Variants in XRN1 observed in about 807,000 individuals in gnomAD.
XRN1 encodes strand-exchange protein 1 homolog.
XRN1 carries 67 observed loss-of-function variants against 222.3 expected under a neutral mutation model. That is an observed-to-expected ratio of 0.30 (90% CI 0.25 to 0.37). The LOEUF is 0.37. XRN1 is among the 10% of genes least tolerant of loss of function. The probability of loss-of-function intolerance (pLI) is 1.00; values close to 1 mark genes in which losing one functional copy is unlikely to be tolerated. For missense variants in XRN1, 1,707 were observed against 2,000.2 expected, an observed-to-expected ratio of 0.85 and a Z score of 2.80; for synonymous variants, 643 against 652.4, an observed-to-expected ratio of 0.99 and a Z score of 0.22.
chr3:142,324,943 T>A (rs1457283518), intron 37 of XRN1, among the ~76,000 whole-genome samples: 1 of 152,204 alleles, frequency 6.6e-6, no homozygotes, highest in Non-Finnish European at 1.5e-5. Flanking sequence ...TACACACACA[T>A]CTTCTTCATC....
intron 34 of XRN1, among the ~76,000 whole-genome samples, chr3:142,334,489 G>A (rs1206076836): frequency 6.6e-6 from 1 of 151,756 alleles, no homozygotes. Context: ...ATTATAAAAT[G>A]CATCCATAAT....
intron 31 of XRN1, among the ~76,000 whole-genome samples, chr3:142,356,452 T>C (rs1446814874): frequency 6.6e-6 from 1 of 152,212 alleles, no homozygotes; most frequent in Non-Finnish European, 1.5e-5. Flanking sequence ...ACAAGACAAC[T>C]CAATTTTTGT....
rs1357050197 is a variant in XRN1 at position 142,447,046 on chromosome 3, C to A, written c.75+824G>T. On this transcript the variant is annotated intron_variant, in intron 1 of 40. Transcript: ENST00000392981. This position sits in a 1 kb window ranked among gnomAD's most constrained non-coding sequence, Gnocchi z 4.2. ...AAATGTGACAAACACCAAAGTATCA[C>A]CCAAAGTCTAGTTTACCTAATAGAC... 3.3e-5 allele frequency among the ~76,000 whole-genome samples: 5 copies of A among 152,142 alleles called. No individual in the cohort carries two copies. The East Asian group carries it at 7.7e-4, about 23-fold the overall frequency.
At chr3:142,313,287 C>CAGTT in intron 39 of XRN1, 1 of 1,192,126 alleles carries the variant, frequency 8.4e-7, no homozygotes. Context: ...TTTTCACTTA[C>CAGTT]AGTTTGTTTA....
At chr3:142,324,393 G>C (rs1200901045) in intron 37 of XRN1, among the ~76,000 whole-genome samples, 3 of 151,770 alleles carry the variant, frequency 2.0e-5, no homozygotes, top group Admixed American at 6.6e-5. Flanking sequence ...ATGGTTTCCA[G>C]CTTCATCCAT....
chr3:142,433,519 T>A (rs2069724143), intron 1 of XRN1, among the ~76,000 whole-genome samples: 1 of 152,234 alleles, frequency 6.6e-6, no homozygotes, highest in African/African-American at 2.4e-5. Flanking sequence ...TAAGAAGACC[T>A]TAATGGCTCT....
intron 6 of XRN1, 74 bp downstream of exon 6, chr3:142,423,486 C>A: frequency 8.1e-7 from 1 of 1,228,014 alleles, no homozygotes; most frequent in Non-Finnish European, 1.1e-6. Flanking sequence ...AAAGTATTTA[C>A]AAACATGTAT....
intron 16 of XRN1, 107 bp downstream of exon 16, chr3:142,404,800 A>G: frequency 9.6e-7 from 1 of 1,043,604 alleles, no homozygotes; most frequent in Admixed American, 2.5e-5. Context: ...GTCATAAACT[A>G]TTTGCTAATT....
chr3:142,312,395 A>G (rs1292683043), intron 40 of XRN1, among the ~76,000 whole-genome samples: 2 of 152,164 alleles, frequency 1.3e-5, no homozygotes, highest in African/African-American at 4.8e-5. Flanking sequence ...AGAATAGCAT[A>G]TTACTTGGTA....
intron 27 of XRN1, among the ~76,000 whole-genome samples, chr3:142,368,295 C>T (rs2066881207): frequency 2.0e-5 from 3 of 151,940 alleles, no homozygotes; most frequent in Admixed American, 2.0e-4. Flanking sequence ...ATTACAGGTA[C>T]CCGCCACCAC....
At chr3:142,345,709 A>G (rs1163683533) in intron 33 of XRN1, among the ~76,000 whole-genome samples, 6 of 152,238 alleles carry the variant, frequency 3.9e-5, no homozygotes, top group Non-Finnish European at 8.8e-5. Context: ...CCAAGAAAAA[A>G]GATTAAAAAA....
chr3:142,384,997 G>GAAA (rs2067440081), intron 20 of XRN1, among the ~76,000 whole-genome samples: 1 of 152,150 alleles, frequency 6.6e-6, no homozygotes, highest in Non-Finnish European at 1.5e-5. Context: ...TGATGACATG[G>GAAA]AAAAACTGGA....
intron 39 of XRN1, among the ~76,000 whole-genome samples, chr3:142,314,595 AT>A (rs1218563721): frequency 1.3e-5 from 2 of 152,098 alleles, no homozygotes; most frequent in Admixed American, 1.3e-4. Flanking sequence ...CCATTACGTC[AT>A]GAAAACTTTA....
chr3:142,441,698 C>A lies in XRN1; in HGVS notation c.75+6172G>T, dbSNP rs138962338. 8.5e-5 allele frequency among the ~76,000 whole-genome samples: 13 copies of A among 152,328 alleles called. No individual in the cohort carries two copies. The East Asian group carries it at 2.3e-3, about 27-fold the overall frequency. On this transcript the variant is annotated intron_variant, in intron 1 of 40. Transcript: ENST00000392981. Reference sequence around the variant, plus strand: ...CTTGTGGCTCTCAGACAACCATTTACTTAAATATCAGGCTCTATTACTTGA... The same window carrying A: ...CTTGTGGCTCTCAGACAACCATTTAATTAAATATCAGGCTCTATTACTTGA...
chr3:142,344,093 T>A (rs1234234275), intron 33 of XRN1, among the ~76,000 whole-genome samples: 1 of 112,846 alleles, frequency 8.9e-6, no homozygotes, highest in African/African-American at 3.6e-5. Context: ...CTGGGAAGAG[T>A]AGTGGGGGGG....
chr3:142,431,996 GTATA>G (rs1234025550), intron 2 of XRN1, among the ~76,000 whole-genome samples: 1 of 33,424 alleles, frequency 3.0e-5, no homozygotes, highest in African/African-American at 2.4e-4. Context: ...ATAATATATT[GTATA>G]TATATAAATA....
At chr3:142,332,804 T>A (rs1266159730) in intron 35 of XRN1, 163 bp downstream of exon 35, 1 of 1,069,970 alleles carries the variant, frequency 9.3e-7, no homozygotes, top group African/African-American at 1.6e-5. Flanking sequence ...AGAAAAAGTA[T>A]GGCTAAATTG....
intron 21 of XRN1, among the ~76,000 whole-genome samples, chr3:142,384,301 T>C (rs1017239029): frequency 6.8e-6 from 1 of 147,424 alleles, no homozygotes; most frequent in Non-Finnish European, 1.5e-5. Flanking sequence ...AAAAAAAGCA[T>C]ACGAAAGCAT....
At position 142,333,045 on chromosome 3, in the gene XRN1, G is replaced by A. The variant is rs755441670; in HGVS notation, c.3984C>T (p.Ser1328=). 4 of 1,613,140 alleles carry A rather than the reference G, an allele frequency of 2.5e-6. No homozygotes were observed. In the East Asian group the frequency reaches 6.7e-5, roughly 27 times the overall value. The change falls in exon 35 of 41, where the codon TCC becomes TCT. Residue 1328 remains serine, a synonymous_variant. Coordinates refer to ENST00000392981, the MANE Select transcript of XRN1 (RefSeq NM_001282857.2). ...GAGATGACTGTACTTCATTTTCTTT[G>A]GAGATATTCAAAGATGCTAAAAAGT... ...IENFLASLNI[S]KENEVQSSHH...
Sources: allele counts gnomAD v4.1 joint callset (sites outside exome capture counted in the v4.1 genomes callset), GRCh38; gene constraint gnomAD v4.1.1; non-coding constraint Gnocchi (gnomAD v3.1); transcripts MANE v1.5; gene names NCBI Gene and HGNC (gene_info 2026-07-23, HGNC 2026-07-21).